Variants in TULP4 observed in about 807,000 individuals in gnomAD.
The protein encoded by TULP4 is TUB like protein 4.
Under a neutral mutation model 129.0 loss-of-function variants are expected in TULP4, and 16 were observed. The ratio of observed to expected loss-of-function variants is 0.12; its 90% CI spans 0.08 to 0.19. The LOEUF is 0.19. Ranked by LOEUF, TULP4 falls within the 10% of genes least tolerant of loss-of-function variation. TULP4 has a pLI of 1.00. For missense variants in TULP4, 1,842 were observed against 2,059.1 expected, an observed-to-expected ratio of 0.89 and a Z score of 2.04; for synonymous variants, 998 against 854.0, an observed-to-expected ratio of 1.17 and a Z score of -2.94.
chr6:158,491,899 C>T (rs1405326337), intron 9 of TULP4, among the ~76,000 whole-genome samples: 2 of 151,830 alleles, frequency 1.3e-5, no homozygotes, highest in African/African-American at 4.8e-5. Flanking sequence ...TGCTCTGTCG[C>T]CCAGGCTGGA....
At chr6:158,344,888 A>G (rs905695998) in intron 1 of TULP4, among the ~76,000 whole-genome samples, 3 of 152,226 alleles carry the variant, frequency 2.0e-5, no homozygotes, top group Non-Finnish European at 4.4e-5. Context: ...ACTGTTAGCC[A>G]AGTTGTGAAT....
chr6:158,315,074 A>G (rs1033789652), intron 1 of TULP4, among the ~76,000 whole-genome samples: 2 of 152,216 alleles, frequency 1.3e-5, no homozygotes, highest in African/African-American at 4.8e-5. Flanking sequence ...AAAATGAGGA[A>G]TCCATGACTA....
chr6:158,476,665 G>A (rs373929241), intron 6 of TULP4, among the ~76,000 whole-genome samples: 4 of 152,156 alleles, frequency 2.6e-5, no homozygotes, highest in African/African-American at 9.7e-5. Flanking sequence ...TATATGCTGT[G>A]TAAACAGCCT....
intron 1 of TULP4, among the ~76,000 whole-genome samples, chr6:158,270,060 T>C (rs1289944597): frequency 6.6e-6 from 1 of 152,260 alleles, no homozygotes; most frequent in Non-Finnish European, 1.5e-5. Context: ...AGCATTCATA[T>C]CTATTAAATA....
chr6:158,246,580 C>T (rs543306782), intron 1 of TULP4, among the ~76,000 whole-genome samples: 5 of 152,160 alleles, frequency 3.3e-5, no homozygotes, highest in South Asian at 2.1e-4. Flanking sequence ...TAAATAAATG[C>T]TTTCTTTTCC....
rs548222236 is a variant in TULP4, at chr6:158,454,805, C to T, written c.859+2537C>T. Reference sequence around the variant, plus strand: ...ATTTTTGGTAGAGATGGGGTTTCATCGTATTGGTCAGGCTGGTCTCGAACT... The same window carrying T: ...ATTTTTGGTAGAGATGGGGTTTCATTGTATTGGTCAGGCTGGTCTCGAACT... On this transcript the variant is annotated intron_variant, in intron 5 of 13. Transcript: ENST00000367097. Among the ~76,000 whole-genome samples the T allele has an allele frequency of 5.3e-5, 8 of 152,014 alleles. No homozygotes were observed. The East Asian group carries it at 1.2e-3, about 22-fold the overall frequency.
At chr6:158,372,940 G>T (rs1292073946) in intron 1 of TULP4, among the ~76,000 whole-genome samples, 3 of 152,164 alleles carry the variant, frequency 2.0e-5, no homozygotes, top group Non-Finnish European at 1.5e-5. Context: ...TTGATATTTA[G>T]CTTGTTTTTA....
At position 158,312,864 on chromosome 6, in the gene TULP4, C is replaced by G. The variant is rs796237390; in HGVS notation, c.-1153C>G. On this transcript the variant is annotated 5_prime_UTR_variant, in exon 1 of 14. Coordinates refer to ENST00000367097, the MANE Select transcript of TULP4 (RefSeq NM_020245.5). Reference sequence around the variant, plus strand: ...CCCATCAGCAAAACACTATCACTCTCTAGGGAGACAGCTGGGGGAATCTGA... The same window carrying G: ...CCCATCAGCAAAACACTATCACTCTGTAGGGAGACAGCTGGGGGAATCTGA... The G allele has an allele frequency of 6.6e-6, 1 of 152,200 alleles. No individual in the cohort carries two copies. Among genetic ancestry groups the G allele is most frequent in the Non-Finnish European group, 1.5e-5 (1 of 68,036 alleles). The allele number at this position is 152,200 out of a possible 1,614,324, so 9.4% of individuals were successfully genotyped here.
intron 1 of TULP4, among the ~76,000 whole-genome samples, chr6:158,268,018 TTTTCTTTTTCTTTTTTC>T (rs1236570797): frequency 7.9e-6 from 1 of 127,112 alleles, no homozygotes; most frequent in Non-Finnish European, 1.7e-5. Context: ...TTTTCTTTTC[TTTTCTTTTTCTTTTTTC>T]TTTTTTTTTT....
At chr6:158,335,303 T>C (rs1780008687) in intron 1 of TULP4, among the ~76,000 whole-genome samples, 1 of 151,980 alleles carries the variant, frequency 6.6e-6, no homozygotes, top group African/African-American at 2.4e-5. Flanking sequence ...ATTTTTGTTC[T>C]TTATAAGTAC....
intron 1 of TULP4, among the ~76,000 whole-genome samples, chr6:158,361,433 G>A (rs1780786437): frequency 6.6e-6 from 1 of 152,188 alleles, no homozygotes; most frequent in Admixed American, 6.5e-5. Flanking sequence ...ATAATTGAGA[G>A]AGATGAGCTT....
intron 1 of TULP4, among the ~76,000 whole-genome samples, chr6:158,390,547 A>G (rs1422605275): frequency 6.6e-6 from 1 of 152,252 alleles, no homozygotes; most frequent in African/African-American, 2.4e-5. Flanking sequence ...GAGGCCATTT[A>G]TAGAGCGTGG....
At chr6:158,251,166 C>CTG (rs1778132925) in intron 1 of TULP4, among the ~76,000 whole-genome samples, 1 of 152,192 alleles carries the variant, frequency 6.6e-6, no homozygotes, top group African/African-American at 2.4e-5. Context: ...GCCTTAAGTA[C>CTG]TGTCTGTTAC....
intron 1 of TULP4, among the ~76,000 whole-genome samples, chr6:158,329,830 A>ATCTG (rs1583754507): frequency 6.6e-6 from 1 of 151,394 alleles, no homozygotes; most frequent in Non-Finnish European, 1.5e-5. Context: ...AAACCTAACT[A>ATCTG]TTTTCAAGAT....
intron 1 of TULP4, among the ~76,000 whole-genome samples, chr6:158,368,066 CAAAAAAAAAAAAAA>C (rs3085241): frequency 1.5e-5 from 1 of 65,010 alleles, no homozygotes; most frequent in South Asian, 6.9e-4. Flanking sequence ...ACCCTGTCTC[CAAAAAAAAAAAAAA>C]AAAAAAAAGG....
chr6:158,427,321 G>A (rs747150794), intron 2 of TULP4, among the ~76,000 whole-genome samples: 21 of 152,004 alleles, frequency 1.4e-4, no homozygotes, highest in Admixed American at 5.2e-4. Context: ...CTAGGGTTGG[G>A]GATTGACTTC....
At chr6:158,268,024 T>C (rs200429241) in intron 1 of TULP4, among the ~76,000 whole-genome samples, 1 of 86,208 alleles carries the variant, frequency 1.2e-5, no homozygotes, top group East Asian at 5.9e-4. Context: ...TTTCTTTTCT[T>C]TTTCTTTTTT....
intron 1 of TULP4, among the ~76,000 whole-genome samples, chr6:158,331,192 T>C (rs971210430): frequency 2.0e-5 from 3 of 152,182 alleles, no homozygotes; most frequent in African/African-American, 7.2e-5. Context: ...TTATGATCCA[T>C]TGATGATTCT....
At chr6:158,380,589 C>A (rs1008735094) in intron 1 of TULP4, among the ~76,000 whole-genome samples, 1 of 151,994 alleles carries the variant, frequency 6.6e-6, no homozygotes, top group Non-Finnish European at 1.5e-5. Flanking sequence ...TGCAATATGC[C>A]AGGCTTCAGA....
Sources: allele counts gnomAD v4.1 joint callset (sites outside exome capture counted in the v4.1 genomes callset), GRCh38; gene constraint gnomAD v4.1.1; transcripts MANE v1.5; gene names NCBI Gene and HGNC (gene_info 2026-07-23, HGNC 2026-07-21).